The following LRPPRC variants were observed in gnomAD, a reference collection of about 807,000 sequenced individuals.
LRPPRC encodes leucine-rich PPR motif-containing protein, mitochondrial.
In LRPPRC, 120 loss-of-function variants were observed where a neutral mutation model predicts 180.3. That is an observed-to-expected ratio of 0.67 (90% CI 0.57 to 0.77). LRPPRC has a LOEUF of 0.77. LRPPRC is among the 30% of genes least tolerant of loss of function. The pLI is 0.00. For synonymous variants in LRPPRC, 723 were observed against 600.0 expected, an observed-to-expected ratio of 1.21 and a Z score of -3.00; for missense variants, 2,012 against 1,657.2, an observed-to-expected ratio of 1.21 and a Z score of -3.72.
At chr2:43,935,732 A>G (rs1237771664) in intron 23 of LRPPRC, among the ~76,000 whole-genome samples, 1 of 152,192 alleles carries the variant, frequency 6.6e-6, no homozygotes, top group Non-Finnish European at 1.5e-5. Context: ...GTTTTTTTGT[A>G]ATTTCTCTCT....
intron 27 of LRPPRC, 66 bp downstream of exon 27, chr2:43,925,001 T>C (rs989447938): frequency 6.3e-6 from 6 of 954,314 alleles, no homozygotes; most frequent in Non-Finnish European, 1.0e-5. Flanking sequence ...CAAAACCAAA[T>C]ACTCCTTTCC....
intron 23 of LRPPRC, among the ~76,000 whole-genome samples, chr2:43,938,426 A>G (rs572805546): frequency 6.6e-6 from 1 of 152,362 alleles, no homozygotes; most frequent in African/African-American, 2.4e-5. Flanking sequence ...GGCTGGGTCC[A>G]GCAAGAAATT....
intron 1 of LRPPRC, among the ~76,000 whole-genome samples, chr2:43,986,873 T>C (rs1465869472): frequency 6.6e-6 from 1 of 152,220 alleles, no homozygotes; most frequent in Non-Finnish European, 1.5e-5. Context: ...AATAAGGGAT[T>C]TGGATTTTAT....
chr2:43,886,467 ATAGTT>A lies in LRPPRC; in HGVS notation c.*2128_*2132del, dbSNP rs1190527410. The A allele has an allele frequency of 1.3e-5, 2 of 152,234 alleles. No individual in the cohort carries two copies. The highest frequency in any genetic ancestry group is 1.9e-4 in the East Asian group (1 of 5,198). The allele number at this position is 152,234 out of a possible 1,614,324, so 9.4% of individuals were successfully genotyped here. ...GAACACTCATAAGCCCACCTACAGT[ATAGTT>A]ATTATACTTTAAATATTTATATTCA... On this transcript the variant is annotated 3_prime_UTR_variant, in exon 38 of 38. Transcript: ENST00000260665.
At chr2:43,956,915 G>A (rs1559008801) in intron 14 of LRPPRC, among the ~76,000 whole-genome samples, 1 of 152,076 alleles carries the variant, frequency 6.6e-6, no homozygotes, top group South Asian at 2.1e-4. Flanking sequence ...ATAAAAAAGG[G>A]TGGTATGGGA....
intron 12 of LRPPRC, among the ~76,000 whole-genome samples, chr2:43,961,155 C>A (rs1277696629): frequency 6.6e-6 from 1 of 151,950 alleles, no homozygotes; most frequent in Non-Finnish European, 1.5e-5. Flanking sequence ...TTATGGCATA[C>A]CCATACAATG....
intron 2 of LRPPRC, among the ~76,000 whole-genome samples, 176 bp downstream of exon 2, chr2:43,982,062 C>G (rs752419064): frequency 6.6e-6 from 1 of 152,124 alleles, no homozygotes; most frequent in Non-Finnish European, 1.5e-5. Context: ...CACGCGCCAC[C>G]ATGCCTGGCT....
intron 1 of LRPPRC, among the ~76,000 whole-genome samples, chr2:43,988,562 C>G (rs1214386849): frequency 6.6e-6 from 1 of 151,874 alleles, no homozygotes; most frequent in Non-Finnish European, 1.5e-5. Flanking sequence ...GACGCCACTG[C>G]TCAATAAACA....
At chr2:43,989,478 G>C (rs1460250506) in intron 1 of LRPPRC, among the ~76,000 whole-genome samples, 1 of 152,168 alleles carries the variant, frequency 6.6e-6, no homozygotes, top group Non-Finnish European at 1.5e-5. Flanking sequence ...CCGATAATGT[G>C]ACATGGACAC....
Position 43,949,608 on chromosome 2 carries a change from G to A in LRPPRC, c.1729C>T (p.Pro577Ser), listed in dbSNP as rs77715964. 5.6e-6 allele frequency: 9 copies of A among 1,613,680 alleles called. No individual in the cohort carries two copies. Among genetic ancestry groups the A allele is most frequent in the Non-Finnish European group, 7.6e-6 (9 of 1,179,660 alleles). The change falls in exon 16 of 38, where the codon CCG (proline) becomes TCG (serine). Residue 577 changes from proline (P) to serine (S), a missense_variant. Transcript: ENST00000260665. ...DGRYCQEPRG[P>S]TEAVGYFLYN... ...ATCGAAATTGAAACGCTACCCGTCG[G>A]TCCTCGAGGCTCCTGGCAATAACGT...
intron 29 of LRPPRC, 134 bp downstream of exon 29, chr2:43,917,891 G>A (rs1671531606): frequency 3.1e-6 from 2 of 648,968 alleles, no homozygotes; most frequent in Admixed American, 2.9e-5. Context: ...AGTATGGAAG[G>A]GGACAAGAAA....
Position 43,934,886 on chromosome 2 carries a change from A to G in LRPPRC, c.2505-8T>C. 6.2e-7 allele frequency: 1 copy of G among 1,611,792 alleles called. No individual in the cohort carries two copies. The highest frequency in any genetic ancestry group is 8.5e-7 in the Non-Finnish European group (1 of 1,178,240). ...GCAGTAGATAGGTCGCCCCTTAGAA[A>G]CAAAAAAATTAGCAATGAATAAAAT... is the stretch of plus-strand genomic sequence containing the variant. On this transcript the variant is annotated splice_polypyrimidine_tract_variant and splice_region_variant and intron_variant, in intron 23 of 37. Coordinates refer to ENST00000260665, the MANE Select transcript of LRPPRC (RefSeq NM_133259.4).
intron 30 of LRPPRC, among the ~76,000 whole-genome samples, chr2:43,909,366 C>G (rs943414407): frequency 6.9e-6 from 1 of 144,672 alleles, no homozygotes; most frequent in African/African-American, 2.6e-5. Context: ...TGGTGGATAA[C>G]ACAGCTAAAA....
At chr2:43,944,004 G>A in intron 22 of LRPPRC, 110 bp from the exon 23 acceptor site, 1 of 763,960 alleles carries the variant, frequency 1.3e-6, no homozygotes, top group Non-Finnish European at 2.3e-6. Context: ...AGTGTATAAT[G>A]CCGATTTCAA....
Position 43,934,815 on chromosome 2 carries a change from T to C in LRPPRC, c.2568A>G (p.Pro856=), listed in dbSNP as rs1672217465. 2.5e-6 allele frequency: 4 copies of C among 1,611,586 alleles called. No homozygotes were observed. The highest frequency in any genetic ancestry group is 2.2e-5 in the East Asian group (1 of 44,818). ...GTTTACACAAGACATCATGAATCCTTGGTAATACTTTATACTTTTCATAGC... is the reference window on the plus strand; with the variant it reads ...GTTTACACAAGACATCATGAATCCTCGGTAATACTTTATACTTTTCATAGC... ...IDCYEKYKVL[P]RIHDVLCKLV... Residue 856 remains proline (P), a synonymous_variant, in exon 24 of 38, where the codon CCA becomes CCG. Coordinates refer to ENST00000260665, the MANE Select transcript of LRPPRC (RefSeq NM_133259.4).
rs548836196 is a variant in LRPPRC at position 43,889,961 on chromosome 2, T to C, written c.3986-85A>G. 24 of 950,130 alleles carry C rather than the reference T, an allele frequency of 2.5e-5. No homozygotes were observed. The East Asian group carries it at 5.3e-4, about 21-fold the overall frequency. 58.9% of individuals were successfully genotyped at this position (950,130 alleles called of 1,614,324 possible). ...ACCAAAACAGCCACTCAGGGACGGC[T>C]GGATCCCTTTATCCCACGGCAAATG... On this transcript the variant is annotated intron_variant, in intron 36 of 37. Transcript: ENST00000260665.
At chr2:43,925,749 T>C (rs756158796) in intron 26 of LRPPRC, 144 bp downstream of exon 26, 64 of 712,994 alleles carry the variant, frequency 9.0e-5, no homozygotes, top group Middle Eastern at 2.3e-4. Context: ...AAATAAGCCA[T>C]TGCTTATCTG....
At position 43,977,197 on chromosome 2, in the gene LRPPRC, A is replaced by G. The variant is rs1674096204; in HGVS notation, c.549T>C (p.Asp183=). Residue 183 remains aspartate, a synonymous_variant, in exon 4 of 38, where the codon GAT becomes GAC. Transcript: ENST00000260665. The part of the protein sequence containing the change: ...LQNEYKFSPT[D]FLAKMEEANI... ...TTGCTTCCTCCATTTTTGCCAGGAA[A>G]TCAGTTGGTGAGAATTTATATTCAT... 1 of 1,609,414 alleles carries G rather than the reference A, an allele frequency of 6.2e-7. No individual in the cohort carries two copies. The highest frequency in any genetic ancestry group is 8.5e-7 in the Non-Finnish European group (1 of 1,175,808).
At chr2:43,973,749 C>G (rs1673922565) in intron 10 of LRPPRC, 35 bp from the exon 11 acceptor site, 1 of 1,600,444 alleles carries the variant, frequency 6.2e-7, no homozygotes, top group Non-Finnish European at 8.6e-7. Context: ...ACAAAGCTAC[C>G]TCAGCAAAAC....
Sources: gnomAD v4.1 joint callset for allele counts (sites outside exome capture counted in the v4.1 genomes callset) on GRCh38, gnomAD v4.1.1 for gene constraint, MANE v1.5 for transcripts, NCBI Gene and HGNC (gene_info 2026-07-23, HGNC 2026-07-21) for gene names.